The following C4orf50 variants were observed in gnomAD, a reference collection of about 807,000 sequenced individuals.
The protein encoded by C4orf50 is chromosome 4 open reading frame 50.
In C4orf50, 80 loss-of-function variants were observed where a neutral mutation model predicts 77.2. That is an observed-to-expected ratio of 1.04 (90% CI 0.87 to 1.25). C4orf50 has a LOEUF of 1.25. Among genes scored for constraint, C4orf50 ranks in the 50% most tolerant of loss-of-function variants. The pLI is 0.00. For synonymous variants in C4orf50, 532 were observed against 465.3 expected (o/e 1.14, Z -1.84); for missense variants, 1,257 against 1,152.9 (o/e 1.09, Z -1.31).
At chr4:5,976,084 C>T in intron 29 of C4orf50, 129 bp from the exon 8 acceptor site, 1 of 706,452 alleles carries the variant, frequency 1.4e-6, no homozygotes, top group Non-Finnish European at 2.5e-6. Context: ...GGACTCAGTG[C>T]CAGGAACAGG....
chr4:5,907,335 A>C (rs1716599856), intron 7 of C4orf50, among the ~76,000 whole-genome samples: 1 of 152,204 alleles, frequency 6.6e-6, no homozygotes, highest in South Asian at 2.1e-4. Flanking sequence ...AAAGATGCTA[A>C]TTTCTGATAA....
At chr4:5,911,388 C>T (rs1453049207) in intron 7 of C4orf50, among the ~76,000 whole-genome samples, 4 of 152,170 alleles carry the variant, frequency 2.6e-5, no homozygotes, top group Non-Finnish European at 5.9e-5. Context: ...TTGGGGAATT[C>T]GTTCATGAGT....
downstream of C4orf50, chr4:5,956,694 G>C (rs1718976983): frequency 6.6e-6 from 1 of 152,322 alleles, no homozygotes; most frequent in African/African-American, 2.4e-5. Context: ...GCGGAGGGGT[G>C]CATTTACCTC....
chr4:5,984,166 A>G (rs1720742026), intron 28 of C4orf50, among the ~76,000 whole-genome samples: 1 of 152,258 alleles, frequency 6.6e-6, no homozygotes, highest in Non-Finnish European at 1.5e-5. Context: ...CTACACAAGA[A>G]TAAGATGATC....
intron 7 of C4orf50, among the ~76,000 whole-genome samples, chr4:5,949,310 G>A (rs964431247): frequency 2.6e-5 from 4 of 152,254 alleles, no homozygotes; most frequent in Non-Finnish European, 5.9e-5. Flanking sequence ...AGATTGATGA[G>A]TGAACAAACA....
rs2108772467 is a variant in C4orf50 at position 5,970,813 on chromosome 4, C to A, written c.4104+2846G>T. Among the ~76,000 whole-genome samples, 1 of 152,326 alleles carries A rather than the reference C, an allele frequency of 6.6e-6. No individual in the cohort carries two copies. The highest frequency in any genetic ancestry group is 1.9e-4 in the East Asian group (1 of 5,164). On this transcript the variant is annotated intron_variant, in intron 31 of 33. Coordinates refer to ENST00000531445, the Ensembl canonical transcript of C4orf50. This position sits in a 1 kb window ranked among gnomAD's most constrained non-coding sequence, Gnocchi z 4.3. Reference sequence around the variant, plus strand: ...CCCAGCCCCCACCCCCTCAACAGCCCTGGGACATGCTGAGGCTCAGGGTCC... The same window carrying A: ...CCCAGCCCCCACCCCCTCAACAGCCATGGGACATGCTGAGGCTCAGGGTCC...
At chr4:5,921,590 G>T (rs1179003674) in intron 7 of C4orf50, among the ~76,000 whole-genome samples, 1 of 152,114 alleles carries the variant, frequency 6.6e-6, no homozygotes, top group Admixed American at 6.5e-5. Flanking sequence ...TTCCAGGGAG[G>T]CTCAGGGGTG....
intron 7 of C4orf50, among the ~76,000 whole-genome samples, chr4:5,931,165 A>T (rs1717752360): frequency 1.3e-5 from 2 of 152,186 alleles, no homozygotes; most frequent in South Asian, 4.1e-4. Context: ...GCTGAGCTGA[A>T]AACAGCCCCT....
rs1280978998 is a variant in C4orf50 at position 6,011,752 on chromosome 4, C to T, written c.426+78G>A. 5 of 398,854 alleles carry T rather than the reference C, an allele frequency of 1.3e-5. 1 individual carries two copies. In the East Asian group the frequency reaches 1.8e-4, roughly 14 times the overall value. The allele number at this position is 398,854 out of a possible 1,614,324, so 24.7% of individuals were successfully genotyped here. A position where few individuals can be genotyped will look rare whatever the true frequency, so the allele number is the denominator to read the frequency against. On this transcript the variant is annotated intron_variant, in intron 24 of 33. Coordinates refer to ENST00000531445, the Ensembl canonical transcript of C4orf50. This position sits in a 1 kb window ranked among gnomAD's most constrained non-coding sequence, Gnocchi z 4.2. ...CCAGGCCCACCCTGTACTGTCTTTG[C>T]CCAACTGCAGCTGCTGCTGAGTTCC...
chr4:5,973,700 C>A (rs760149252), exon 31 of C4orf50: 1 of 1,613,778 alleles, frequency 6.2e-7, no homozygotes, highest in Non-Finnish European at 8.5e-7. Context: ...GTGTACTCAG[C>A]CAGTGCCACG....
At chr4:5,945,700 T>G (rs1477412251) in intron 7 of C4orf50, among the ~76,000 whole-genome samples, 2 of 152,210 alleles carry the variant, frequency 1.3e-5, no homozygotes, top group Non-Finnish European at 2.9e-5. Context: ...ACCTCCTTGT[T>G]GCCATCTCAG....
intron 28 of C4orf50, among the ~76,000 whole-genome samples, chr4:5,983,002 C>T (rs73212636): frequency 6.6e-6 from 1 of 151,836 alleles, no homozygotes; most frequent in South Asian, 2.1e-4. Context: ...GATCTCATGC[C>T]CAGTGCAGTA....
chr4:5,984,172 T>A (rs539235665), intron 28 of C4orf50, among the ~76,000 whole-genome samples: 1 of 152,256 alleles, frequency 6.6e-6, no homozygotes, highest in Non-Finnish European at 1.5e-5. Context: ...AAGAATAAGA[T>A]GATCTGCTGA....
intron 29 of C4orf50, 110 bp from the exon 8 acceptor site, chr4:5,976,065 C>T: frequency 2.4e-6 from 2 of 824,692 alleles, no homozygotes; most frequent in East Asian, 5.0e-5. Context: ...GCCCTCTTTA[C>T]CCTCATGGGG....
chr4:5,994,589 T>C (rs1408340766), intron 25 of C4orf50, 113 bp from the exon 4 acceptor site: 1 of 397,664 alleles, frequency 2.5e-6, no homozygotes, highest in Non-Finnish European at 4.4e-6. Context: ...CTTCCACAGG[T>C]GAGGAAACTG....
Position 5,926,528 on chromosome 4 carries a change from G to A in C4orf50, c.*2475-28340C>T, listed in dbSNP as rs1352449617. ...AAAACGTTCTGAAATTAGTGGTGAT[G>A]GTGGCACAACATTGTGAAGGCACTA... is the stretch of plus-strand genomic sequence containing the variant. On this transcript the variant is annotated intron_variant, in intron 7 of 7. Coordinates refer to the C4orf50 transcript ENST00000324058. Among the ~76,000 whole-genome samples, 3 of 152,158 alleles carry A rather than the reference G, an allele frequency of 2.0e-5. No individual in the cohort carries two copies. The East Asian group carries it at 5.8e-4, about 29-fold the overall frequency.
chr4:6,002,168 G>C (rs1179563605), intron 25 of C4orf50, among the ~76,000 whole-genome samples: 1 of 152,196 alleles, frequency 6.6e-6, no homozygotes, highest in Non-Finnish European at 1.5e-5. Context: ...CTGGTGTCCA[G>C]ATAAGAAGAG....
At chr4:6,014,248 C>T (rs998587661) in intron 23 of C4orf50, among the ~76,000 whole-genome samples, 6 of 152,222 alleles carry the variant, frequency 3.9e-5, no homozygotes, top group East Asian at 3.9e-4. Flanking sequence ...GTGATCAGCC[C>T]GCCTGGGCCT....
intron 7 of C4orf50, chr4:5,904,038 A>G (rs926960560): frequency 6.6e-6 from 1 of 152,148 alleles, no homozygotes; most frequent in African/African-American, 2.4e-5. Flanking sequence ...TTCTGCGGAG[A>G]TCTGAGACAC....
Sources: gnomAD v4.1 joint callset for allele counts (sites outside exome capture counted in the v4.1 genomes callset) on GRCh38, gnomAD v4.1.1 for gene constraint, Gnocchi (gnomAD v3.1) non-coding constraint, MANE v1.5 for transcripts, NCBI Gene and HGNC (gene_info 2026-07-23, HGNC 2026-07-21) for gene names.